BACH2: variants seen among roughly 807,000 people sequenced by gnomAD.
BACH2 encodes the protein BACH transcriptional regulator 2, also known as transcription regulator protein BACH2.
A neutral mutation model predicts 61.8 loss-of-function variants in BACH2; 5 were observed. That is an observed-to-expected ratio of 0.08 (90% CI 0.04 to 0.17). The LOEUF (loss-of-function observed/expected upper bound fraction) is 0.17. BACH2 is among the 10% of genes least tolerant of loss of function. The pLI is 1.00. For synonymous variants in BACH2, 446 were observed against 440.1 expected (o/e 1.01, Z -0.17); for missense variants, 824 against 1,091.1 (o/e 0.76, Z 3.45).
chr6:90,207,767 CCAT>C (rs1562504679), intron 3 of BACH2, among the ~76,000 whole-genome samples: 1 of 152,098 alleles, frequency 6.6e-6, no homozygotes, highest in African/African-American at 2.4e-5. Flanking sequence ...CCCACCATAA[CCAT>C]CTTTAGTTCT....
At chr6:89,986,123 C>G (rs1776223166) in intron 6 of BACH2, among the ~76,000 whole-genome samples, 1 of 152,102 alleles carries the variant, frequency 6.6e-6, no homozygotes, top group African/African-American at 2.4e-5. Context: ...TGAACTCAGC[C>G]CCCTGCCTGT....
intron 3 of BACH2, among the ~76,000 whole-genome samples, chr6:90,248,344 T>G: frequency 6.6e-6 from 1 of 152,174 alleles, no homozygotes; most frequent in East Asian, 1.9e-4. Flanking sequence ...TAACTCTTCC[T>G]TGAGTGTGTC....
At chr6:90,204,259 A>T (rs551154506) in intron 4 of BACH2, among the ~76,000 whole-genome samples, 1 of 152,252 alleles carries the variant, frequency 6.6e-6, no homozygotes, top group East Asian at 1.9e-4. Flanking sequence ...AATGTCTCCA[A>T]CTTTCTAGGA....
chr6:90,274,015 A>C (rs532587261), intron 1 of BACH2, among the ~76,000 whole-genome samples: 1 of 152,342 alleles, frequency 6.6e-6, no homozygotes, highest in East Asian at 1.9e-4. Context: ...AGGGTAGCTC[A>C]CGTTTCTCCG....
chr6:89,937,103 G>C (rs1251881722), intron 8 of BACH2, among the ~76,000 whole-genome samples: 2 of 152,112 alleles, frequency 1.3e-5, no homozygotes, highest in East Asian at 1.9e-4. Flanking sequence ...CTGAGTATGG[G>C]GGAGCCTGGG....
intron 4 of BACH2, among the ~76,000 whole-genome samples, chr6:90,100,708 C>CACACACACACACAG (rs1782582032): frequency 7.0e-6 from 1 of 143,218 alleles, no homozygotes; most frequent in South Asian, 2.3e-4. Context: ...CACAGACACA[C>CACACACACACACAG]ACACACACAC....
intron 4 of BACH2, among the ~76,000 whole-genome samples, chr6:90,161,847 T>C (rs1336069836): frequency 6.6e-6 from 1 of 152,150 alleles, no homozygotes; most frequent in Non-Finnish European, 1.5e-5. Context: ...ACCATTCAAA[T>C]AGACAATGGT....
At chr6:90,061,712 A>T (rs994760703) in intron 5 of BACH2, among the ~76,000 whole-genome samples, 1 of 152,132 alleles carries the variant, frequency 6.6e-6, no homozygotes, top group Non-Finnish European at 1.5e-5. Flanking sequence ...AGGAAAAAAA[A>T]ATCCACGAGA....
At chr6:90,125,675 G>A (rs1346146100) in intron 4 of BACH2, among the ~76,000 whole-genome samples, 3 of 152,216 alleles carry the variant, frequency 2.0e-5, no homozygotes, top group Admixed American at 2.0e-4. Flanking sequence ...GGCATGTGCA[G>A]ACCATGCCCA....
At chr6:90,194,475 C>CTCAATTTAGA (rs1768686484) in intron 4 of BACH2, among the ~76,000 whole-genome samples, 1 of 152,142 alleles carries the variant, frequency 6.6e-6, no homozygotes, top group Non-Finnish European at 1.5e-5. Context: ...GAGCTCAGAG[C>CTCAATTTAGA]TCAATTTAGA....
At chr6:90,169,223 T>C (rs894255877) in intron 4 of BACH2, among the ~76,000 whole-genome samples, 41 of 152,194 alleles carry the variant, frequency 2.7e-4, no homozygotes, top group African/African-American at 9.9e-4. Context: ...TGTTATTTTT[T>C]ACAATTAGAA....
intron 5 of BACH2, among the ~76,000 whole-genome samples, chr6:90,033,326 G>A (rs933053854): frequency 4.8e-5 from 7 of 147,358 alleles, no homozygotes; most frequent in African/African-American, 1.8e-4. Flanking sequence ...CCTGCACGTT[G>A]TGCACATGTA....
intron 5 of BACH2, among the ~76,000 whole-genome samples, chr6:90,072,189 T>C (rs950687322): frequency 6.6e-6 from 1 of 152,250 alleles, no homozygotes; most frequent in East Asian, 1.9e-4. Context: ...CTTCAACTTG[T>C]TTACTGTATT....
At chr6:89,973,441 C>G (rs1775481496) in intron 6 of BACH2, among the ~76,000 whole-genome samples, 1 of 152,126 alleles carries the variant, frequency 6.6e-6, no homozygotes, top group Non-Finnish European at 1.5e-5. Context: ...GTTCTATGAC[C>G]AGGGTCTCCA....
At chr6:90,073,596 C>A (rs920618683) in intron 5 of BACH2, among the ~76,000 whole-genome samples, 3 of 152,160 alleles carry the variant, frequency 2.0e-5, no homozygotes, top group Non-Finnish European at 4.4e-5. Context: ...TCCCACTTTT[C>A]CTGGGAGGTC....
intron 7 of BACH2, among the ~76,000 whole-genome samples, chr6:89,946,691 TAACTCTAC>T (rs1326793798): frequency 6.6e-6 from 1 of 152,180 alleles, no homozygotes; most frequent in Non-Finnish European, 1.5e-5. Flanking sequence ...AGGAAGCTGC[TAACTCTAC>T]AACATAATGC....
chr6:90,030,820 T>C (rs371566311), intron 5 of BACH2, among the ~76,000 whole-genome samples: 5 of 151,596 alleles, frequency 3.3e-5, no homozygotes, highest in South Asian at 2.1e-4. Flanking sequence ...TTCCAATCAA[T>C]AGAAAAAGAG....
intron 1 of BACH2, among the ~76,000 whole-genome samples, chr6:90,283,181 A>G (rs1771909923): frequency 6.6e-6 from 1 of 152,136 alleles, no homozygotes; most frequent in Non-Finnish European, 1.5e-5. Flanking sequence ...AAGAATATGA[A>G]TGTACAGTAT....
intron 5 of BACH2, among the ~76,000 whole-genome samples, chr6:90,020,990 T>G (rs1018811688): frequency 2.6e-5 from 4 of 152,202 alleles, no homozygotes; most frequent in African/African-American, 7.2e-5. Flanking sequence ...AGGTTCTGAT[T>G]TGGGTTTTGG....
Sources: allele counts gnomAD v4.1 joint callset (sites outside exome capture counted in the v4.1 genomes callset), GRCh38; gene constraint gnomAD v4.1.1; transcripts MANE v1.5; gene names NCBI Gene and HGNC (gene_info 2026-07-23, HGNC 2026-07-21).